Variants in EVPL observed in about 807,000 individuals in gnomAD.
The protein encoded by EVPL is envoplakin.
A neutral mutation model predicts 129.7 loss-of-function variants in EVPL; 94 were observed. The observed-to-expected ratio is 0.72, with a 90% confidence interval of 0.61 to 0.86. EVPL has a LOEUF of 0.86. Ranked by LOEUF, EVPL falls within the 40% of genes least tolerant of loss-of-function variation. The pLI, the probability that EVPL is intolerant of heterozygous loss-of-function variation, is 0.00. For missense variants in EVPL, 2,625 were observed against 2,721.1 expected, an observed-to-expected ratio of 0.96 and a Z score of 0.79; for synonymous variants, 1,172 against 1,191.1, an observed-to-expected ratio of 0.98 and a Z score of 0.33.
rs752963456 is a variant in EVPL, at chr17:76,015,290, C to T, written c.1965G>A (p.Leu655=). 1 of 1,602,708 alleles carries T rather than the reference C, an allele frequency of 6.2e-7. No individual in the cohort carries two copies. The highest frequency in any genetic ancestry group is 2.2e-5 in the East Asian group (1 of 44,658). The change falls in exon 16 of 22, where the codon CTG becomes CTA. Residue 655 remains leucine (L), a synonymous_variant. Transcript: ENST00000301607. Reference sequence around the variant, plus strand: ...CAGCAGGGATGGGGGCCTCCTGCACCAGGGTGGCCTCGAAGCCTCGGATGA... The same window carrying T: ...CAGCAGGGATGGGGGCCTCCTGCACTAGGGTGGCCTCGAAGCCTCGGATGA... The part of the protein sequence containing the change: ...DRVIRGFEAT[L]VQEAPIPAEP...
intron 14 of EVPL, among the ~76,000 whole-genome samples, chr17:76,016,867 T>C (rs1482378569): frequency 1.3e-5 from 2 of 151,034 alleles, no homozygotes; most frequent in African/African-American, 4.9e-5. Flanking sequence ...GATTATACCA[T>C]TGCACACCAC....
In EVPL at chr17:76,011,784, GCT is replaced by G. The variant is rs751403186; in HGVS notation, c.2554_2555del (p.Ser852HisfsTer14). 6.2e-7 allele frequency: 1 copy of G among 1,612,102 alleles called. No homozygotes were observed. The highest frequency in any genetic ancestry group is 8.5e-7 in the Non-Finnish European group (1 of 1,178,908). ...GGTCCCATCTCACCTGGGCTTGGAT[GCT>G]CTCTTGCAGGGGAGCCACTCGGGGT... ...KRPRVAPLQESIQAQEKNLAK... is the reference protein window; with the variant it reads ...KRPRVAPLQEXIQAQEKNLAK... On this transcript the variant is annotated frameshift_variant, in exon 20 of 22. Coordinates refer to ENST00000301607, the MANE Select transcript of EVPL (RefSeq NM_001988.4). LOFTEE classifies it high-confidence loss of function.
At position 76,009,589 on chromosome 17, in the gene EVPL, T is replaced by C. The variant is rs2066357286; in HGVS notation, c.3616A>G (p.Thr1206Ala). The change falls in exon 22 of 22, where the codon ACA (threonine) becomes GCA (alanine). Residue 1206 changes from threonine (T) to alanine (A), a missense_variant. Physicochemically the swap from Thr to Ala is moderately conservative, Grantham distance 58. Around this residue, in one of 4 missense-constraint regions of EVPL, gnomAD observed 1,453 missense variants for 1,511.8 expected, o/e 0.96. Coordinates refer to ENST00000301607, the MANE Select transcript of EVPL (RefSeq NM_001988.4). The surrounding 1 kb of genome is among the most constrained non-coding windows in gnomAD (Gnocchi z 5.9). Reference sequence around the variant, plus strand: ...TTGAGCCGAGTGATCTCCTGCTCTGTCTCCGGATCCACCTGGAAGATCTCG... The same window carrying C: ...TTGAGCCGAGTGATCTCCTGCTCTGCCTCCGGATCCACCTGGAAGATCTCG... ...VHEIFQVDPE[T>A]EQEITRLKAK... is the part of the protein sequence containing the mutation. 1 of 1,613,970 alleles carries C rather than the reference T, an allele frequency of 6.2e-7. No individual in the cohort carries two copies. Among genetic ancestry groups the C allele is most frequent in the South Asian group, 1.1e-5 (1 of 91,088 alleles).
At chr17:76,025,824 A>G (rs1385251943) in intron 1 of EVPL, among the ~76,000 whole-genome samples, 1 of 152,214 alleles carries the variant, frequency 6.6e-6, no homozygotes, top group African/African-American at 2.4e-5. Flanking sequence ...GAAGCCAGTG[A>G]GTGGGAAGAA....
In EVPL at chr17:76,011,807, G is replaced by A. The variant is rs1239898304; in HGVS notation, c.2533C>T (p.Arg845Ter). ...ATGCTCTCTTGCAGGGGAGCCACTC[G>A]GGGTCTCTTGGGGGCTGACACTGCC... is the stretch of plus-strand genomic sequence containing the variant. The part of the protein sequence containing the change: ...TLAVSAPKRP[R>*]VAPLQESIQA... Residue 845 changes from arginine (R) to a stop codon, truncating the protein, a stop_gained, in exon 20 of 22, where the codon CGA becomes TGA. Coordinates refer to ENST00000301607, the MANE Select transcript of EVPL (RefSeq NM_001988.4). LOFTEE classifies it high-confidence loss of function. 6.2e-6 allele frequency: 10 copies of A among 1,612,134 alleles called. No individual in the cohort carries two copies. Among genetic ancestry groups the A allele is most frequent in the Admixed American group, 3.4e-5 (2 of 59,332 alleles).
chr17:76,014,542 G>C lies in EVPL; in HGVS notation c.2257C>G (p.Gln753Glu), dbSNP rs759213557. Residue 753 changes from glutamine to glutamate, a missense_variant, in exon 18 of 22, where the codon CAG becomes GAG. Gln to Glu is a conservative substitution (Grantham distance 29). Coordinates refer to ENST00000301607, the MANE Select transcript of EVPL (RefSeq NM_001988.4). ...KVVQDAALTY[Q>E]QFKNCKDNLS... is the part of the protein sequence containing the mutation. ...TTATCCTTGCAGTTCTTGAACTGCTGGTAGGTGAGGGCGGCATCCTGCACC... is the reference window on the plus strand; with the variant it reads ...TTATCCTTGCAGTTCTTGAACTGCTCGTAGGTGAGGGCGGCATCCTGCACC... 1 of 1,612,330 alleles carries C rather than the reference G, an allele frequency of 6.2e-7. No homozygotes were observed. The highest frequency in any genetic ancestry group is 2.2e-5 in the East Asian group (1 of 44,826).
chr17:76,006,898 A>AACC lies in EVPL; in HGVS notation c.*204_*205insGGT. ...GATCACTGGGTGGAGGTGGAGGAAG[A>AACC]ACTGAGTGGCTGCTGTCCTGGTCTG... is the stretch of plus-strand genomic sequence containing the variant. On this transcript the variant is annotated 3_prime_UTR_variant, in exon 22 of 22. Coordinates refer to ENST00000301607, the MANE Select transcript of EVPL (RefSeq NM_001988.4). 1 of 456,844 alleles carries AACC rather than the reference A, an allele frequency of 2.2e-6. No homozygotes were observed. The highest frequency in any genetic ancestry group is 3.6e-6 in the Non-Finnish European group (1 of 276,908). The allele number at this position is 456,844 out of a possible 1,614,324, so 28.3% of individuals were successfully genotyped here.
intron 16 of EVPL, 22 bp downstream of exon 16, chr17:76,015,205 G>A (rs1456028267): frequency 3.2e-6 from 5 of 1,569,428 alleles, no homozygotes; most frequent in Admixed American, 3.4e-5. Flanking sequence ...CTGACACCAG[G>A]AGGCCCCGGC....
In EVPL at chr17:76,015,258, C is replaced by T; in HGVS notation, c.1997G>A (p.Gly666Glu). Residue 666 changes from glycine (G) to glutamate (E), a missense_variant, in exon 16 of 22, where the codon GGG becomes GAG. By Grantham distance (98) the Gly-to-Glu change is moderately conservative (BLOSUM62 -2). This residue lies in a region of EVPL where 1,024 missense variants were observed against 997.5 expected (regional missense o/e 1.03). Transcript: ENST00000301607. ...VQEAPIPAEP[G>E]ALQERVSELQ... is the part of the protein sequence containing the mutation. ...CTCGCTGACCCTCTCCTGCAGAGCC[C>T]CCGGTTCAGCAGGGATGGGGGCCTC... 1.9e-6 allele frequency: 3 copies of T among 1,601,952 alleles called. No individual in the cohort carries two copies. Among genetic ancestry groups the T allele is most frequent in the Non-Finnish European group, 2.5e-6 (3 of 1,178,294 alleles).
Position 76,018,001 on chromosome 17 carries a change from G to A in EVPL, c.1538-90C>T, listed in dbSNP as rs556856445. On this transcript the variant is annotated intron_variant, in intron 13 of 21. Coordinates refer to ENST00000301607, the MANE Select transcript of EVPL (RefSeq NM_001988.4). ...CCAGGTGCCCACAGAGGGTCCTGTC[G>A]GGGTAGGGTGGAGGGGATGGGCAGG... is the stretch of plus-strand genomic sequence containing the variant. 9.6e-5 allele frequency: 151 copies of A among 1,572,388 alleles called. 1 individual carries two copies. In the South Asian group the frequency reaches 1.5e-3, roughly 15 times the overall value.
chr17:76,021,963 C>CTGCTCAGCCAGGG lies in EVPL; in HGVS notation c.710_711insCCCTGGCTGAGCA (p.Gln238ProfsTer3). 1.3e-6 allele frequency: 2 copies of CTGCTCAGCCAGGG among 1,559,826 alleles called. No individual in the cohort carries two copies. Among genetic ancestry groups the CTGCTCAGCCAGGG allele is most frequent in the Non-Finnish European group, 1.7e-6 (2 of 1,160,192 alleles). ...GCTGCTCAGCCAGGGCGCTCAGCTG[C>CTGCTCAGCCAGGG]CGCGTGCAGCCCTGGAGGTGCGTGT... On this transcript the variant is annotated stop_gained and frameshift_variant, in exon 7 of 22. Coordinates refer to ENST00000301607, the MANE Select transcript of EVPL (RefSeq NM_001988.4). LOFTEE classifies it high-confidence loss of function.
At position 76,011,805 on chromosome 17, in the gene EVPL, T is replaced by G; in HGVS notation, c.2535A>C (p.Arg845=). The G allele has an allele frequency of 5.6e-6, 9 of 1,612,338 alleles. No homozygotes were observed. Among genetic ancestry groups the G allele is most frequent in the Non-Finnish European group, 7.6e-6 (9 of 1,179,402 alleles). ...GGATGCTCTCTTGCAGGGGAGCCAC[T>G]CGGGGTCTCTTGGGGGCTGACACTG... is the stretch of plus-strand genomic sequence containing the variant. ...TLAVSAPKRP[R]VAPLQESIQA... is the part of the protein sequence containing the mutation. The change falls in exon 20 of 22, where the codon CGA becomes CGC. Residue 845 remains arginine, a synonymous_variant. Transcript: ENST00000301607.
Position 76,019,656 on chromosome 17 carries a change from G to A in EVPL, c.1012-3C>T, listed in dbSNP as rs374217640. On this transcript the variant is annotated splice_region_variant and splice_polypyrimidine_tract_variant and intron_variant, in intron 9 of 21. Transcript: ENST00000301607. ...ACTGAGTCGGCCTCTTCCTGGAACT[G>A]AGTTCACTGGGTGGTCAAGGGCAGA... 15 of 1,610,246 alleles carry A rather than the reference G, an allele frequency of 9.3e-6. No homozygotes were observed. Among genetic ancestry groups the A allele is most frequent in the Non-Finnish European group, 1.3e-5 (15 of 1,178,484 alleles).
At position 76,010,151 on chromosome 17, in the gene EVPL, C is replaced by T. The variant is rs772865165; in HGVS notation, c.3054G>A (p.Glu1018=). Residue 1018 remains glutamate, a synonymous_variant, in exon 22 of 22, where the codon GAG becomes GAA. Transcript: ENST00000301607. Reference sequence around the variant, plus strand: ...CGGGGTCCCTCTCCACCTGGGTGACCTCCTTGGTCAGCAGATGAGGCTGCA... The same window carrying T: ...CGGGGTCCCTCTCCACCTGGGTGACTTCCTTGGTCAGCAGATGAGGCTGCA... ...KTMQPHLLTK[E]VTQVERDPGL... is the part of the protein sequence containing the mutation. 6.2e-7 allele frequency: 1 copy of T among 1,614,144 alleles called. No homozygotes were observed. Among genetic ancestry groups the T allele is most frequent in the Non-Finnish European group, 8.5e-7 (1 of 1,180,038 alleles).
Position 76,027,082 on chromosome 17 carries a change from A to G in EVPL, c.98+19T>C, listed in dbSNP as rs2066503433. ...CCCCACCCCAGTTCCCCGGCTCCCC[A>G]TCCCCCAGTCCCACTTACCGGCTGT... On this transcript the variant is annotated intron_variant, in intron 1 of 21. Coordinates refer to ENST00000301607, the MANE Select transcript of EVPL (RefSeq NM_001988.4). 2 of 1,415,058 alleles carry G rather than the reference A, an allele frequency of 1.4e-6. No individual in the cohort carries two copies. The highest frequency in any genetic ancestry group is 1.5e-5 in the African/African-American group (1 of 67,396). 87.7% of individuals were successfully genotyped at this position (1,415,058 alleles called of 1,614,324 possible). A position where few individuals can be genotyped will look rare whatever the true frequency, so the allele number is the denominator to read the frequency against.
chr17:76,007,312 T>A lies in EVPL; in HGVS notation c.5893A>T (p.Ser1965Cys). Residue 1965 changes from serine (S) to cysteine (C), a missense_variant, in exon 22 of 22, where the codon AGT (serine) becomes TGT (cysteine). Transcript: ENST00000301607. The surrounding 1 kb of genome is among the most constrained non-coding windows in gnomAD (Gnocchi z 8.8). ...IQQALLSGMI[S>C]EELAQLLQDE... is the part of the protein sequence containing the mutation. ...TGCAGGAGCTGGGCCAGCTCTTCACTGATCATCCCGGAGAGGAGGGCCTGC... is the reference window on the plus strand; with the variant it reads ...TGCAGGAGCTGGGCCAGCTCTTCACAGATCATCCCGGAGAGGAGGGCCTGC... 1 of 1,557,174 alleles carries A rather than the reference T, an allele frequency of 6.4e-7. No homozygotes were observed. Among genetic ancestry groups the A allele is most frequent in the African/African-American group, 1.4e-5 (1 of 73,190 alleles).
At position 76,025,445 on chromosome 17, in the gene EVPL, G is replaced by A. The variant is rs946762433; in HGVS notation, c.99-1325C>T. Among the ~76,000 whole-genome samples the A allele has an allele frequency of 4.6e-5, 7 of 152,296 alleles. No homozygotes were observed. The East Asian group carries it at 5.8e-4, about 13-fold the overall frequency. ...GGAGAGCCAACAGGGCCCTGAGGAC[G>A]GAGCTGCCCCAGGCCAGGAGCGCAC... On this transcript the variant is annotated intron_variant, in intron 1 of 21. Coordinates refer to ENST00000301607, the MANE Select transcript of EVPL (RefSeq NM_001988.4).
chr17:76,011,977 G>A, intron 19 of EVPL, 29 bp downstream of exon 19: 2 of 1,607,510 alleles, frequency 1.2e-6, no homozygotes, highest in Non-Finnish European at 1.7e-6. Flanking sequence ...GATGCATGGA[G>A]AGGGGCAAGC....
At position 76,009,619 on chromosome 17, in the gene EVPL, C is replaced by G; in HGVS notation, c.3586G>C (p.Val1196Leu). ...QRPKVQLQER[V>L]HEIFQVDPET... ...GGATCCACCTGGAAGATCTCGTGGA[C>G]GCGCTCCTGGAGCTGCACTTTGGGC... is the stretch of plus-strand genomic sequence containing the variant. Residue 1196 changes from valine to leucine, a missense_variant, in exon 22 of 22, where the codon GTC becomes CTC. By Grantham distance (32) the Val-to-Leu change is conservative. This residue lies in a region of EVPL where 1,453 missense variants were observed against 1,511.8 expected (regional missense o/e 0.96). Coordinates refer to ENST00000301607, the MANE Select transcript of EVPL (RefSeq NM_001988.4). This position sits in a 1 kb window ranked among gnomAD's most constrained non-coding sequence, Gnocchi z 5.9. 2 of 1,613,976 alleles carry G rather than the reference C, an allele frequency of 1.2e-6. No individual in the cohort carries two copies. Among genetic ancestry groups the G allele is most frequent in the South Asian group, 2.2e-5 (2 of 91,080 alleles).
Sources: allele counts gnomAD v4.1 joint callset (sites outside exome capture counted in the v4.1 genomes callset), GRCh38; gene constraint gnomAD v4.1.1; regional missense constraint gnomAD v4.1.1; non-coding constraint Gnocchi (gnomAD v3.1); transcripts MANE v1.5; gene names NCBI Gene and HGNC (gene_info 2026-07-23, HGNC 2026-07-21).